TANC1: variants seen among roughly 807,000 people sequenced by gnomAD.
TANC1 encodes the protein protein TANC1.
Under a neutral mutation model 149.7 loss-of-function variants are expected in TANC1, and 77 were observed. The ratio of observed to expected loss-of-function variants is 0.51; its 90% CI spans 0.43 to 0.62. The LOEUF (loss-of-function observed/expected upper bound fraction) is 0.62. Ranked by LOEUF, TANC1 falls within the 20% of genes least tolerant of loss-of-function variation. TANC1 has a pLI of 0.00. For missense variants in TANC1, 1,985 were observed against 2,321.8 expected (o/e 0.85, Z 2.98); for synonymous variants, 854 against 925.0 (o/e 0.92, Z 1.39).
At chr2:159,015,591 G>C (rs1349092529) in intron 2 of TANC1, among the ~76,000 whole-genome samples, 2 of 152,162 alleles carry the variant, frequency 1.3e-5, no homozygotes, top group Non-Finnish European at 2.9e-5. Context: ...TTGTCAGGTT[G>C]CAAATTTTCT....
At chr2:159,192,588 A>G (rs958754359) in intron 16 of TANC1, among the ~76,000 whole-genome samples, 2 of 152,196 alleles carry the variant, frequency 1.3e-5, no homozygotes, top group Non-Finnish European at 2.9e-5. Context: ...CCCAGATATA[A>G]TGAATCAGAA....
chr2:158,987,723 G>A (rs2035172866), intron 1 of TANC1, among the ~76,000 whole-genome samples: 1 of 152,114 alleles, frequency 6.6e-6, no homozygotes, highest in Non-Finnish European at 1.5e-5. Context: ...GCCCCACTAT[G>A]ACCCTGGACA....
chr2:159,097,561 T>G, intron 3 of TANC1, 76 bp from the exon 4 acceptor site: 1 of 1,083,152 alleles, frequency 9.2e-7, no homozygotes, highest in East Asian at 2.4e-5. Context: ...TCTGAGAATA[T>G]AGTTTATAGG....
chr2:159,034,023 T>G (rs1013071140), intron 2 of TANC1, among the ~76,000 whole-genome samples: 4 of 152,236 alleles, frequency 2.6e-5, no homozygotes, highest in Admixed American at 2.6e-4. Context: ...AATACAGTGG[T>G]GCAGTAAATT....
intron 14 of TANC1, among the ~76,000 whole-genome samples, chr2:159,180,243 G>A (rs1337749558): frequency 6.6e-6 from 1 of 152,186 alleles, no homozygotes; most frequent in Non-Finnish European, 1.5e-5. Flanking sequence ...TAACATCCAG[G>A]TTATTTAGCC....
intron 4 of TANC1, among the ~76,000 whole-genome samples, chr2:159,124,872 T>C: frequency 9.8e-6 from 1 of 101,810 alleles, no homozygotes; most frequent in Admixed American, 1.4e-4. Context: ...CCCGCCCTCC[T>C]CACCAAGTAC....
Position 159,150,438 on chromosome 2 carries a change from C to T in TANC1, c.564C>T (p.Thr188=), listed in dbSNP as rs375359360. 1.2e-5 allele frequency: 20 copies of T among 1,614,036 alleles called. No individual in the cohort carries two copies. The highest frequency in any genetic ancestry group is 1.6e-4 in the Middle Eastern group (1 of 6,084). ...CAAGCAGCACCGCATCTCCTAGCAC[C>T]GATAGCCCCTGCTCAACCTTGAATA... ...TLTSSTASPS[T]DSPCSTLNSC... is the part of the protein sequence containing the mutation. The change falls in exon 7 of 27, where the codon ACC becomes ACT. Residue 188 remains threonine, a synonymous_variant. Coordinates refer to ENST00000263635, the MANE Select transcript of TANC1 (RefSeq NM_033394.3).
At chr2:159,121,372 C>T (rs561348782) in intron 4 of TANC1, among the ~76,000 whole-genome samples, 50 of 152,338 alleles carry the variant, frequency 3.3e-4, no homozygotes, top group South Asian at 1.7e-3. Context: ...CCACCCTTAT[C>T]GCCCAGGCTG....
intron 14 of TANC1, 23 bp downstream of exon 14, chr2:159,179,186 G>C (rs778434536): frequency 2.1e-5 from 34 of 1,588,650 alleles, no homozygotes; most frequent in Middle Eastern, 1.7e-4. Flanking sequence ...CTTTCTTTCA[G>C]CTCTTTGCAG....
At chr2:159,100,962 A>G (rs1004770439) in intron 4 of TANC1, among the ~76,000 whole-genome samples, 3 of 152,150 alleles carry the variant, frequency 2.0e-5, no homozygotes, top group Non-Finnish European at 4.4e-5. Flanking sequence ...GTTGCTGCTA[A>G]TGATAGAGTC....
rs548207496 is a variant in TANC1, at chr2:159,110,442, ATTG to A, written c.259+12614_259+12616del. Among the ~76,000 whole-genome samples the A allele has an allele frequency of 6.9e-4, 105 of 152,248 alleles. 2 individuals carry two copies. The highest frequency in any genetic ancestry group is 6.5e-3 in the Admixed American group (99 of 15,300). On this transcript the variant is annotated intron_variant, in intron 4 of 26. Coordinates refer to ENST00000263635, the MANE Select transcript of TANC1 (RefSeq NM_033394.3). ...TCCCAGCCTCCAAACTGAGAAATAA[ATTG>A]TTGTTTAAGCCACCCAATCTATGTT...
chr2:159,061,128 T>C (rs1269600494), intron 2 of TANC1, among the ~76,000 whole-genome samples: 2 of 152,240 alleles, frequency 1.3e-5, no homozygotes, highest in African/African-American at 2.4e-5. Context: ...CTTCAGGCCA[T>C]TGGCCCTCTC....
At chr2:159,144,594 T>C (rs1008960171) in intron 5 of TANC1, among the ~76,000 whole-genome samples, 2 of 152,166 alleles carry the variant, frequency 1.3e-5, no homozygotes, top group Non-Finnish European at 2.9e-5. Context: ...GCCAGGCTGC[T>C]CTCGAACTCC....
intron 4 of TANC1, among the ~76,000 whole-genome samples, chr2:159,116,095 C>T (rs1170768397): frequency 6.6e-6 from 1 of 152,066 alleles, no homozygotes; most frequent in Non-Finnish European, 1.5e-5. Flanking sequence ...GCATCTGACG[C>T]AGAGGCTGTG....
intron 19 of TANC1, among the ~76,000 whole-genome samples, chr2:159,201,973 C>T (rs1037698762): frequency 2.8e-4 from 43 of 152,242 alleles, no homozygotes; most frequent in African/African-American, 2.4e-5. Context: ...TTGCCAGAGC[C>T]AGTGGCGCAG....
At chr2:159,164,999 G>A (rs17422028) in intron 8 of TANC1, among the ~76,000 whole-genome samples, 4,402 of 152,252 alleles carry the variant, frequency 0.029, 85 homozygotes, top group Non-Finnish European at 0.046. Flanking sequence ...CACCCAAGGC[G>A]CTTTAGACCG....
At chr2:159,016,370 T>C (rs2038266978) in intron 2 of TANC1, among the ~76,000 whole-genome samples, 1 of 152,080 alleles carries the variant, frequency 6.6e-6, no homozygotes, top group African/African-American at 2.4e-5. Flanking sequence ...CACGTGGGAA[T>C]TATGGGAGTA....
intron 3 of TANC1, among the ~76,000 whole-genome samples, chr2:159,073,690 G>C (rs1037884225): frequency 1.3e-5 from 2 of 152,104 alleles, no homozygotes; most frequent in African/African-American, 4.8e-5. Context: ...TACAGACTTA[G>C]TTTTCAGAAA....
Position 159,196,252 on chromosome 2 carries a change from C to T in TANC1, c.2980-356C>T, listed in dbSNP as rs565176888. Among the ~76,000 whole-genome samples the T allele has an allele frequency of 2.0e-5, 3 of 152,320 alleles. No homozygotes were observed. In the South Asian group the frequency reaches 6.2e-4, roughly 32 times the overall value. On this transcript the variant is annotated intron_variant, in intron 17 of 26. Transcript: ENST00000263635. The stretch of plus-strand genomic sequence containing the variant: ...GTCACAGCAGACTTAGAATGCCCCA[C>T]CCAAGCAACCAAAGTTGGGAAATAC...
Sources: allele counts gnomAD v4.1 joint callset (sites outside exome capture counted in the v4.1 genomes callset), GRCh38; gene constraint gnomAD v4.1.1; transcripts MANE v1.5; gene names NCBI Gene and HGNC (gene_info 2026-07-23, HGNC 2026-07-21).